CYP2C18: variants seen among roughly 807,000 people sequenced by gnomAD.
CYP2C18 encodes cytochrome P450 2C18.
Under a neutral mutation model 41.3 loss-of-function variants are expected in CYP2C18, and 38 were observed. The ratio of observed to expected loss-of-function variants is 0.92; its 90% CI spans 0.71 to 1.21. The LOEUF is 1.21. Ranked by LOEUF, CYP2C18 falls within the 50% of genes most tolerant of loss-of-function variation. The pLI, the probability that CYP2C18 is intolerant of heterozygous loss-of-function variation, is 0.00. For missense variants in CYP2C18, 635 were observed against 591.4 expected (o/e 1.07, Z -0.77); for synonymous variants, 236 against 210.0 (o/e 1.12, Z -1.07).
At chr10:94,693,097 G>GGCT (rs1235342285) in intron 3 of CYP2C18, among the ~76,000 whole-genome samples, 8 of 152,042 alleles carry the variant, frequency 5.3e-5, no homozygotes, top group African/African-American at 1.9e-4. Context: ...ACACCAACAT[G>GGCT]GCACACGTAT....
intron 6 of CYP2C18, among the ~76,000 whole-genome samples, chr10:94,723,897 ATCATT>A (rs1847688502): frequency 6.6e-6 from 1 of 152,204 alleles, no homozygotes; most frequent in Non-Finnish European, 1.5e-5. Flanking sequence ...GAGAGAGAAT[ATCATT>A]TCAAGTTTCA....
chr10:94,689,004 C>T (rs1316711997), intron 3 of CYP2C18, among the ~76,000 whole-genome samples: 1 of 152,092 alleles, frequency 6.6e-6, no homozygotes, highest in East Asian at 1.9e-4. Flanking sequence ...AGGTCTGTGT[C>T]TACAATTTCT....
intron 3 of CYP2C18, among the ~76,000 whole-genome samples, chr10:94,691,694 A>G (rs1847003258): frequency 6.6e-6 from 1 of 152,214 alleles, no homozygotes; most frequent in Non-Finnish European, 1.5e-5. Flanking sequence ...ATATGGAACC[A>G]AAAAAGAGCC....
chr10:94,728,046 T>C (rs979803946), intron 7 of CYP2C18, among the ~76,000 whole-genome samples: 1 of 152,206 alleles, frequency 6.6e-6, no homozygotes, highest in African/African-American at 2.4e-5. Context: ...ATAGCTTTTT[T>C]TTGATGGACT....
At chr10:94,686,933 T>A (rs547943633) in intron 1 of CYP2C18, among the ~76,000 whole-genome samples, 1 of 152,312 alleles carries the variant, frequency 6.6e-6, no homozygotes, top group African/African-American at 2.4e-5. Context: ...TGCTATGTAT[T>A]TTGCTTAGAT....
intron 7 of CYP2C18, among the ~76,000 whole-genome samples, chr10:94,729,557 AAAAC>A (rs780917701): frequency 2.6e-5 from 4 of 152,188 alleles, no homozygotes; most frequent in Non-Finnish European, 5.9e-5. Context: ...AAACAAAACA[AAAAC>A]AAAAAAAACC....
intron 5 of CYP2C18, among the ~76,000 whole-genome samples, chr10:94,711,585 G>A (rs1441630674): frequency 6.6e-6 from 1 of 151,534 alleles, no homozygotes; most frequent in South Asian, 2.1e-4. Flanking sequence ...TTAAAAATTT[G>A]TTTTTATAGA....
chr10:94,714,710 T>C (rs1228286884), intron 5 of CYP2C18, among the ~76,000 whole-genome samples: 1 of 152,216 alleles, frequency 6.6e-6, no homozygotes, highest in Non-Finnish European at 1.5e-5. Context: ...TCCAATTCTG[T>C]GAAGAAAGTC....
At chr10:94,689,446 A>G (rs1846957071) in intron 3 of CYP2C18, among the ~76,000 whole-genome samples, 1 of 152,124 alleles carries the variant, frequency 6.6e-6, no homozygotes, top group African/African-American at 2.4e-5. Context: ...TCCTAGAGAT[A>G]GCAAATGTCT....
intron 1 of CYP2C18, among the ~76,000 whole-genome samples, chr10:94,686,762 T>A (rs1846894899): frequency 6.6e-6 from 1 of 152,180 alleles, no homozygotes; most frequent in South Asian, 2.1e-4. Flanking sequence ...ATAATGCATT[T>A]TGCCAGAAGA....
intron 7 of CYP2C18, among the ~76,000 whole-genome samples, chr10:94,725,098 A>C (rs1170699360): frequency 1.4e-5 from 2 of 148,100 alleles, no homozygotes; most frequent in Admixed American, 6.8e-5. Context: ...TATAATATGA[A>C]ATAAATATAT....
intron 5 of CYP2C18, among the ~76,000 whole-genome samples, chr10:94,716,192 C>T (rs1847539604): frequency 6.6e-6 from 1 of 152,074 alleles, no homozygotes; most frequent in African/African-American, 2.4e-5. Flanking sequence ...TTCAGTTCTG[C>T]TCTGATCTTA....
At chr10:94,732,312 C>CA (rs1847847735) in intron 7 of CYP2C18, among the ~76,000 whole-genome samples, 1 of 151,324 alleles carries the variant, frequency 6.6e-6, no homozygotes, top group Non-Finnish European at 1.5e-5. Flanking sequence ...ATTAAGAAGT[C>CA]AAAAAACAAT....
chr10:94,695,518 T>A (rs1847099947), intron 4 of CYP2C18, among the ~76,000 whole-genome samples: 1 of 152,154 alleles, frequency 6.6e-6, no homozygotes, highest in Non-Finnish European at 1.5e-5. Flanking sequence ...TCCCCTTCAC[T>A]TATGAAGCTT....
chr10:94,724,983 G>A (rs1847714315), intron 7 of CYP2C18, among the ~76,000 whole-genome samples: 1 of 150,656 alleles, frequency 6.6e-6, no homozygotes, highest in South Asian at 2.1e-4. Flanking sequence ...TGTCAGTAAT[G>A]TTTTGTCTTC....
chr10:94,688,377 A>G, intron 3 of CYP2C18, 103 bp downstream of exon 3: 2 of 1,330,748 alleles, frequency 1.5e-6, no homozygotes, highest in Non-Finnish European at 2.0e-6. Context: ...GGTACATGTA[A>G]TATTTTGTTA....
At chr10:94,729,157 T>A (rs1168662664) in intron 7 of CYP2C18, among the ~76,000 whole-genome samples, 1 of 152,148 alleles carries the variant, frequency 6.6e-6, no homozygotes, top group Non-Finnish European at 1.5e-5. Context: ...ACCAAATAGC[T>A]GTATTCGCTT....
chr10:94,717,329 C>T (rs1847567994), intron 5 of CYP2C18, among the ~76,000 whole-genome samples: 1 of 152,100 alleles, frequency 6.6e-6, no homozygotes, highest in Non-Finnish European at 1.5e-5. Flanking sequence ...GCGGTTTTTG[C>T]TTTCCATGTT....
At chr10:94,697,888 C>A (rs577093683) in intron 4 of CYP2C18, among the ~76,000 whole-genome samples, 1 of 152,222 alleles carries the variant, frequency 6.6e-6, no homozygotes, top group South Asian at 2.1e-4. Context: ...CAAACAAGGC[C>A]ATTACATAAT....
Sources: allele counts gnomAD v4.1 joint callset (sites outside exome capture counted in the v4.1 genomes callset), GRCh38; gene constraint gnomAD v4.1.1; transcripts MANE v1.5; gene names NCBI Gene and HGNC (gene_info 2026-07-23, HGNC 2026-07-21).